The following RBM27 variants were observed in gnomAD, a reference collection of about 807,000 sequenced individuals.
RBM27 encodes RNA-binding protein 27.
RBM27 carries 22 observed loss-of-function variants against 135.3 expected under a neutral mutation model. The observed-to-expected ratio is 0.16, with a 90% CI of 0.12 to 0.23. The LOEUF (loss-of-function observed/expected upper bound fraction) is 0.23. Among genes scored for constraint, RBM27 ranks in the 10% least tolerant of loss-of-function variants. RBM27 has a pLI of 1.00. For synonymous variants in RBM27, 481 were observed against 442.4 expected (o/e 1.09, Z -1.10); for missense variants, 1,009 against 1,281.0 (o/e 0.79, Z 3.24).
intron 19 of RBM27, among the ~76,000 whole-genome samples, chr5:146,281,330 G>T (rs188489456): frequency 6.6e-6 from 1 of 152,086 alleles, no homozygotes; most frequent in Non-Finnish European, 1.5e-5. Flanking sequence ...AGTGCTTTTG[G>T]CCATGAGTTC....
At position 146,286,188 on chromosome 5, in the gene RBM27, A is replaced by C; in HGVS notation, c.*158A>C. ...CAAGTTTGCTATTTAAACACATCTC[A>C]TAACTGTACATGATATTAAAGCACC... On this transcript the variant is annotated 3_prime_UTR_variant, in exon 21 of 21. Coordinates refer to ENST00000265271, the MANE Select transcript of RBM27 (RefSeq NM_018989.2). 1.7e-5 allele frequency: 10 copies of C among 572,060 alleles called. No individual in the cohort carries two copies. The highest frequency in any genetic ancestry group is 3.4e-5 in the Admixed American group (1 of 29,676). The allele number at this position is 572,060 out of a possible 1,614,324, so 35.4% of individuals were successfully genotyped here.
intron 8 of RBM27, among the ~76,000 whole-genome samples, chr5:146,244,791 C>T (rs1007547695): frequency 6.6e-6 from 1 of 151,998 alleles, no homozygotes; most frequent in Non-Finnish European, 1.5e-5. Context: ...TTCCCTGAAC[C>T]TTAGTCCCCC....
At chr5:146,226,756 C>T (rs1282194971) in intron 3 of RBM27, among the ~76,000 whole-genome samples, 1 of 152,068 alleles carries the variant, frequency 6.6e-6, no homozygotes. Context: ...TTTGTAGATA[C>T]AATTTTGAGA....
At chr5:146,227,488 C>T (rs954314771) in intron 3 of RBM27, among the ~76,000 whole-genome samples, 3 of 152,182 alleles carry the variant, frequency 2.0e-5, no homozygotes, top group Non-Finnish European at 4.4e-5. Context: ...AAATTATTAT[C>T]TCCTAAGTCC....
rs184017625 is a variant in RBM27, at chr5:146,214,617, A to T, written c.60-4368A>T. ...GGTCAATGGGTGAAAGAATAAGAAT[A>T]ATTGTAAAAGTCTAGAAAATTACAG... On this transcript the variant is annotated intron_variant, in intron 1 of 20. Transcript: ENST00000265271. Among the ~76,000 whole-genome samples, 18 of 152,340 alleles carry T rather than the reference A, an allele frequency of 1.2e-4. No homozygotes were observed. The East Asian group carries it at 3.1e-3, about 26-fold the overall frequency.
In RBM27 at chr5:146,261,643, A is replaced by G; in HGVS notation, c.2027A>G (p.Asn676Ser). 1 of 1,614,170 alleles carries G rather than the reference A, an allele frequency of 6.2e-7. No individual in the cohort carries two copies. The highest frequency in any genetic ancestry group is 1.3e-5 in the African/African-American group (1 of 75,038). Residue 676 changes from asparagine to serine, a missense_variant, in exon 13 of 21, where the codon AAT becomes AGT. Physicochemically the swap from Asn to Ser is conservative, Grantham distance 46 (BLOSUM62 1). Around this residue, in one of 6 missense-constraint regions of RBM27, gnomAD observed 355 missense variants for 427.3 expected, o/e 0.83. Transcript: ENST00000265271. The stretch of plus-strand genomic sequence containing the variant: ...CGAGTCTTGTGGCATAGGGAAAATA[A>G]TGAGCAACCGACACTACAGTCCTCA... ...FIRVLWHREN[N>S]EQPTLQSSAQ...
chr5:146,223,173 C>T (rs916008597), intron 2 of RBM27, among the ~76,000 whole-genome samples: 8 of 152,044 alleles, frequency 5.3e-5, no homozygotes, highest in African/African-American at 1.4e-4. Flanking sequence ...TGTTTCCGAT[C>T]GTTTGCTATT....
chr5:146,221,198 A>T (rs532516798), intron 2 of RBM27, among the ~76,000 whole-genome samples: 3 of 152,194 alleles, frequency 2.0e-5, no homozygotes, highest in African/African-American at 7.2e-5. Context: ...AAAAAATTAC[A>T]TAGGTAATAT....
chr5:146,261,662 G>A lies in RBM27; in HGVS notation c.2046G>A (p.Gln682=). Residue 682 remains glutamine, a synonymous_variant, in exon 13 of 21, where the codon CAG becomes CAA. Transcript: ENST00000265271. The stretch of plus-strand genomic sequence containing the variant: ...AAAATAATGAGCAACCGACACTACA[G>A]TCCTCAGCACAGCTGCTCCTGCAAC... ...HRENNEQPTL[Q]SSAQLLLQQQ... 6.2e-7 allele frequency: 1 copy of A among 1,614,148 alleles called. No individual in the cohort carries two copies. The highest frequency in any genetic ancestry group is 8.5e-7 in the Non-Finnish European group (1 of 1,180,030).
chr5:146,207,566 A>G (rs1373209832), intron 1 of RBM27, among the ~76,000 whole-genome samples: 2 of 151,488 alleles, frequency 1.3e-5, no homozygotes, highest in African/African-American at 2.4e-5. Flanking sequence ...TTTACAGTAA[A>G]TTAAATTTAT....
At position 146,223,412 on chromosome 5, in the gene RBM27, G is replaced by A. The variant is rs776462952; in HGVS notation, c.188G>A (p.Gly63Asp). The change falls in exon 3 of 21, where the codon GGT becomes GAT. Residue 63 changes from glycine (G) to aspartate (D), a missense_variant. Coordinates refer to ENST00000265271, the MANE Select transcript of RBM27 (RefSeq NM_018989.2). ...LDVFLQKETS[G>D]FVDKLFESLY... ...TATTTCTTCTCCTTAGAAACTTCAGGTTTTGTGGACAAACTATTTGAAAGT... is the reference window on the plus strand; with the variant it reads ...TATTTCTTCTCCTTAGAAACTTCAGATTTTGTGGACAAACTATTTGAAAGT... The A allele has an allele frequency of 4.0e-5, 64 of 1,588,016 alleles. No homozygotes were observed. In the South Asian group the frequency reaches 6.9e-4, roughly 17 times the overall value.
intron 19 of RBM27, among the ~76,000 whole-genome samples, chr5:146,283,261 C>T (rs1377070851): frequency 6.6e-6 from 1 of 151,962 alleles, no homozygotes; most frequent in Non-Finnish European, 1.5e-5. Context: ...AAATATAGAC[C>T]AGGTGCTGTG....
intron 15 of RBM27, 59 bp downstream of exon 15, chr5:146,267,827 GT>G: frequency 6.5e-7 from 1 of 1,528,960 alleles, no homozygotes; most frequent in Non-Finnish European, 8.9e-7. Context: ...TTTTTAAGTG[GT>G]TACATTATCA....
In RBM27 at chr5:146,219,107, AT is replaced by A. The variant is rs761471569; in HGVS notation, c.178+6del. The A allele has an allele frequency of 1.3e-6, 2 of 1,564,234 alleles. No homozygotes were observed. The highest frequency in any genetic ancestry group is 1.7e-5 in the Admixed American group (1 of 57,430). ...CTTGATGTCTTTTTACAAAAAGGTA[AT>A]TATTATGGGCCTTCAATCGAGTATT... On this transcript the variant is annotated splice_donor_5th_base_variant and intron_variant, in intron 2 of 20. Coordinates refer to ENST00000265271, the MANE Select transcript of RBM27 (RefSeq NM_018989.2).
intron 10 of RBM27, among the ~76,000 whole-genome samples, chr5:146,255,763 G>A (rs1042863257): frequency 2.6e-5 from 4 of 151,940 alleles, no homozygotes; most frequent in Non-Finnish European, 5.9e-5. Flanking sequence ...ATGAGTGACT[G>A]GCCATGGACT....
At chr5:146,206,408 A>C (rs1201664597) in intron 1 of RBM27, among the ~76,000 whole-genome samples, 1 of 141,116 alleles carries the variant, frequency 7.1e-6, no homozygotes, top group Non-Finnish European at 1.5e-5. Context: ...ACTTAGACTC[A>C]TAAGTATGAT....
At chr5:146,278,469 G>A (rs1247634262) in intron 19 of RBM27, among the ~76,000 whole-genome samples, 4 of 152,010 alleles carry the variant, frequency 2.6e-5, no homozygotes, top group Non-Finnish European at 5.9e-5. Flanking sequence ...TTATTGTTAC[G>A]AGTTTCTCAT....
chr5:146,226,107 A>G (rs1756666112), intron 3 of RBM27, among the ~76,000 whole-genome samples: 1 of 148,266 alleles, frequency 6.7e-6, no homozygotes, highest in African/African-American at 2.5e-5. Flanking sequence ...ACCTCAAGTG[A>G]CCTGTTTGCC....
At chr5:146,284,988 G>T (rs1327626437) in intron 20 of RBM27, among the ~76,000 whole-genome samples, 1 of 152,184 alleles carries the variant, frequency 6.6e-6, no homozygotes, top group Non-Finnish European at 1.5e-5. Context: ...TTGAGCTCTA[G>T]AAATTTTTAT....
Sources: gnomAD v4.1 joint callset for allele counts (sites outside exome capture counted in the v4.1 genomes callset) on GRCh38, gnomAD v4.1.1 for gene constraint, gnomAD v4.1.1 regional missense constraint, MANE v1.5 for transcripts, NCBI Gene and HGNC (gene_info 2026-07-23, HGNC 2026-07-21) for gene names.